The following ZFHX3 variants were observed in gnomAD, a reference collection of about 807,000 sequenced individuals.
ZFHX3 encodes the protein zinc finger homeobox protein 3.
ZFHX3 carries 42 observed loss-of-function variants against 279.1 expected under a neutral mutation model. The observed-to-expected ratio is 0.15, with a 90% confidence interval of 0.12 to 0.19. ZFHX3 has a LOEUF of 0.19. Ranked by LOEUF, ZFHX3 falls within the 10% of genes least tolerant of loss-of-function variation. ZFHX3 has a pLI of 1.00. For synonymous variants in ZFHX3, 2,293 were observed against 1,957.8 expected (o/e 1.17, Z -4.52); for missense variants, 4,981 against 4,754.0 (o/e 1.05, Z -1.40).
chr16:73,246,672 G>T (rs558755336), intron 5 of ZFHX3, among the ~76,000 whole-genome samples: 28 of 152,268 alleles, frequency 1.8e-4, no homozygotes, highest in Admixed American at 1.6e-3. Flanking sequence ...CTAAATGCTC[G>T]TATCTTAAAG....
intron 3 of ZFHX3, among the ~76,000 whole-genome samples, chr16:73,366,718 A>G (rs967249548): frequency 7.3e-5 from 11 of 151,678 alleles, no homozygotes; most frequent in Non-Finnish European, 2.9e-5. Context: ...GTGCACATGC[A>G]TGTGTGTGTG....
At chr16:73,219,915 G>A (rs1406866266) in intron 5 of ZFHX3, among the ~76,000 whole-genome samples, 4 of 151,998 alleles carry the variant, frequency 2.6e-5, no homozygotes, top group East Asian at 1.9e-4. Flanking sequence ...GTGAAACCCC[G>A]TCTCTACCAA....
intron 1 of ZFHX3, among the ~76,000 whole-genome samples, chr16:72,989,184 A>G (rs1230938681): frequency 6.6e-6 from 1 of 151,916 alleles, no homozygotes. Flanking sequence ...AAATTAAAAA[A>G]AAAAAAAAAT....
intron 3 of ZFHX3, among the ~76,000 whole-genome samples, chr16:73,428,540 G>C (rs1052714687): frequency 5.9e-5 from 9 of 152,158 alleles, no homozygotes; most frequent in African/African-American, 1.7e-4. Context: ...GACAGCCTGG[G>C]TCAGCCAGGC....
At chr16:72,840,517 GA>G (rs2037319941) in intron 4 of ZFHX3, among the ~76,000 whole-genome samples, 1 of 152,130 alleles carries the variant, frequency 6.6e-6, no homozygotes, top group South Asian at 2.1e-4. Flanking sequence ...AAAGCAAAGA[GA>G]AAAAGAAAGA....
At chr16:72,864,569 A>C (rs2037966868) in intron 4 of ZFHX3, among the ~76,000 whole-genome samples, 1 of 152,200 alleles carries the variant, frequency 6.6e-6, no homozygotes, top group African/African-American at 2.4e-5. Context: ...ATAGACACAC[A>C]AGTAAAGCTT....
intron 2 of ZFHX3, among the ~76,000 whole-genome samples, chr16:73,656,801 C>T (rs6564423): frequency 6.6e-6 from 1 of 152,164 alleles, no homozygotes; most frequent in Admixed American, 6.5e-5. Context: ...GACTCAAGTT[C>T]TGATTACCCT....
chr16:73,433,989 T>C (rs1347983676), intron 3 of ZFHX3, among the ~76,000 whole-genome samples: 1 of 152,186 alleles, frequency 6.6e-6, no homozygotes, highest in Non-Finnish European at 1.5e-5. Context: ...GTGTCCCTTC[T>C]GGGAGGGGGG....
At chr16:73,461,749 A>G (rs1391656695) in intron 2 of ZFHX3, among the ~76,000 whole-genome samples, 1 of 152,224 alleles carries the variant, frequency 6.6e-6, no homozygotes, top group Non-Finnish European at 1.5e-5. Flanking sequence ...CCGTGTAACA[A>G]TACCACACAG....
chr16:73,639,173 G>C (rs2052552671), intron 2 of ZFHX3, among the ~76,000 whole-genome samples: 1 of 152,140 alleles, frequency 6.6e-6, no homozygotes. Flanking sequence ...AGAACCCACT[G>C]TAGAACATCT....
At chr16:73,030,974 C>T (rs535850250) in intron 1 of ZFHX3, among the ~76,000 whole-genome samples, 1 of 152,188 alleles carries the variant, frequency 6.6e-6, no homozygotes, top group East Asian at 1.9e-4. Flanking sequence ...CCACACTTCT[C>T]CACCCCTTGT....
intron 3 of ZFHX3, among the ~76,000 whole-genome samples, chr16:73,333,716 A>G (rs2015850904): frequency 6.7e-6 from 1 of 148,654 alleles, no homozygotes; most frequent in African/African-American, 2.5e-5. Context: ...GAGAAGGCAG[A>G]TGTGAGATCT....
At chr16:73,435,278 G>A (rs1308531074) in intron 3 of ZFHX3, among the ~76,000 whole-genome samples, 4 of 152,008 alleles carry the variant, frequency 2.6e-5, no homozygotes, top group African/African-American at 7.2e-5. Context: ...ATGCGATCTC[G>A]GCTCACTGCA....
chr16:73,005,941 A>G (rs979905920), intron 1 of ZFHX3: 1 of 152,174 alleles, frequency 6.6e-6, no homozygotes, highest in South Asian at 2.1e-4. Context: ...TGATCTCTAT[A>G]TTTTCTAACC....
chr16:73,523,376 T>A (rs555193988), intron 2 of ZFHX3, among the ~76,000 whole-genome samples: 1 of 152,200 alleles, frequency 6.6e-6, no homozygotes, highest in South Asian at 2.1e-4. Flanking sequence ...CCTCCCTGGG[T>A]TTTATATGCT....
At chr16:73,882,254 T>C (rs1266536228) in intron 1 of ZFHX3, among the ~76,000 whole-genome samples, 2 of 152,074 alleles carry the variant, frequency 1.3e-5, no homozygotes, top group Non-Finnish European at 2.9e-5. Context: ...AAATCCCGAC[T>C]GAGGTTTATT....
At chr16:73,479,942 G>T (rs1461387532) in intron 2 of ZFHX3, among the ~76,000 whole-genome samples, 1 of 152,190 alleles carries the variant, frequency 6.6e-6, no homozygotes, top group African/African-American at 2.4e-5. Flanking sequence ...GCATGGGGAG[G>T]TTAAAAGCTC....
At chr16:73,721,932 C>A (rs1310104812) in intron 1 of ZFHX3, among the ~76,000 whole-genome samples, 2 of 152,180 alleles carry the variant, frequency 1.3e-5, no homozygotes, top group African/African-American at 2.4e-5. Flanking sequence ...GTAGTCCCAG[C>A]TACTCGGGAG....
chr16:73,031,453 G>A (rs1296355180), intron 1 of ZFHX3, among the ~76,000 whole-genome samples: 1 of 152,158 alleles, frequency 6.6e-6, no homozygotes, highest in African/African-American at 2.4e-5. Flanking sequence ...AGGCCAAAGG[G>A]AAAAGCGATT....
Sources: gnomAD v4.1 joint callset for allele counts (sites outside exome capture counted in the v4.1 genomes callset) on GRCh38, gnomAD v4.1.1 for gene constraint, MANE v1.5 for transcripts, NCBI Gene and HGNC (gene_info 2026-07-23, HGNC 2026-07-21) for gene names.